TTC13: variants seen among roughly 807,000 people sequenced by gnomAD.
TTC13 encodes tetratricopeptide repeat protein 13.
In TTC13, 62 loss-of-function variants were observed where a neutral mutation model predicts 120.0. That is an observed-to-expected ratio of 0.52 (90% CI 0.42 to 0.64). The LOEUF (loss-of-function observed/expected upper bound fraction) is 0.64. Among genes scored for constraint, TTC13 ranks in the 30% least tolerant of loss-of-function variants. The probability of loss-of-function intolerance (pLI) is 0.00; values close to 1 mark genes in which losing one functional copy is unlikely to be tolerated. For synonymous variants in TTC13, 384 were observed against 393.5 expected, an observed-to-expected ratio of 0.98 and a Z score of 0.28; for missense variants, 824 against 1,050.2, an observed-to-expected ratio of 0.78 and a Z score of 2.98.
chr1:230,917,236 A>T (rs1420916766), intron 17 of TTC13, among the ~76,000 whole-genome samples: 1 of 152,200 alleles, frequency 6.6e-6, no homozygotes, highest in Non-Finnish European at 1.5e-5. Flanking sequence ...CTATGTGCCA[A>T]TTCTCATCTA....
Position 230,940,835 on chromosome 1 carries a change from T to C in TTC13, c.673-279A>G, listed in dbSNP as rs1674475616. On this transcript the variant is annotated intron_variant, in intron 6 of 22. Transcript: ENST00000366661. This position sits in a 1 kb window ranked among gnomAD's most constrained non-coding sequence, Gnocchi z 4.1. ...GGGTTGTATCAGATGTTGCTTTTCC[T>C]GCAATGTGATTTTTTTTCTTGATTT... 6.6e-6 allele frequency among the ~76,000 whole-genome samples: 1 copy of C among 152,230 alleles called. No homozygotes were observed. The highest frequency in any genetic ancestry group is 1.5e-5 in the Non-Finnish European group (1 of 68,038).
At chr1:230,974,946 T>C (rs748912891) in intron 1 of TTC13, among the ~76,000 whole-genome samples, 25 of 152,248 alleles carry the variant, frequency 1.6e-4, no homozygotes, top group Non-Finnish European at 3.5e-4. Flanking sequence ...TCATCATTAA[T>C]ATTAGTAAGA....
At chr1:230,953,134 G>T (rs1433243154) in intron 4 of TTC13, among the ~76,000 whole-genome samples, 3 of 152,064 alleles carry the variant, frequency 2.0e-5, no homozygotes, top group Non-Finnish European at 4.4e-5. Flanking sequence ...TTAACAGAAA[G>T]GTGGTTTTTT....
chr1:230,945,490 T>C, intron 4 of TTC13, 36 bp from the exon 5 acceptor site: 1 of 1,597,278 alleles, frequency 6.3e-7, no homozygotes, highest in African/African-American at 1.3e-5. Flanking sequence ...TCAAAAACCA[T>C]AAACAAAACA....
chr1:230,967,884 C>G (rs960242441), intron 1 of TTC13, among the ~76,000 whole-genome samples: 2 of 152,160 alleles, frequency 1.3e-5, no homozygotes, highest in South Asian at 4.1e-4. Context: ...TCCTTGCTTA[C>G]GTCGTACAAG....
At chr1:230,922,181 G>A (rs1043414548) in intron 15 of TTC13, among the ~76,000 whole-genome samples, 7 of 152,092 alleles carry the variant, frequency 4.6e-5, no homozygotes, top group African/African-American at 1.7e-4. Context: ...GTGCTCTCTG[G>A]CCTAATGGGA....
At chr1:230,933,675 T>A in intron 9 of TTC13, 104 bp downstream of exon 9, 1 of 596,240 alleles carries the variant, frequency 1.7e-6, no homozygotes, top group Non-Finnish European at 2.9e-6. Flanking sequence ...AATACCCATC[T>A]CCTTTGGTTA....
chr1:230,940,282 T>C lies in TTC13; in HGVS notation c.789+158A>G, dbSNP rs554320281. On this transcript the variant is annotated intron_variant, in intron 7 of 22. Coordinates refer to ENST00000366661, the MANE Select transcript of TTC13 (RefSeq NM_024525.5). This position sits in a 1 kb window ranked among gnomAD's most constrained non-coding sequence, Gnocchi z 4.1. Reference sequence around the variant, plus strand: ...TTAGTACTTAATGTTCTCCACTGGGTTTAATTTCAGCTACAGAAAATGCTT... The same window carrying C: ...TTAGTACTTAATGTTCTCCACTGGGCTTAATTTCAGCTACAGAAAATGCTT... Among the ~76,000 whole-genome samples, 4 of 152,336 alleles carry C rather than the reference T, an allele frequency of 2.6e-5. No homozygotes were observed. The highest frequency in any genetic ancestry group is 4.8e-5 in the African/African-American group (2 of 41,580).
chr1:230,954,630 T>C (rs1444449089), intron 3 of TTC13, among the ~76,000 whole-genome samples: 1 of 152,218 alleles, frequency 6.6e-6, no homozygotes, highest in Non-Finnish European at 1.5e-5. Flanking sequence ...AAGTCATCTA[T>C]AAAATATCTG....
Position 230,928,974 on chromosome 1 carries a change from C to T in TTC13, c.1420G>A (p.Asp474Asn), listed in dbSNP as rs1380842278. 6.2e-7 allele frequency: 1 copy of T among 1,614,022 alleles called. No homozygotes were observed. Among genetic ancestry groups the T allele is most frequent in the Non-Finnish European group, 8.5e-7 (1 of 1,180,020 alleles). ...WAKNLPFLIEDYEEQPGLQPH... is the reference protein window; with the variant it reads ...WAKNLPFLIENYEEQPGLQPH... ...TGCAACCCTGGCTGCTCTTCGTAGT[C>T]TTCTATGAGGAAAGGCAAATTTTTA... is the stretch of plus-strand genomic sequence containing the variant. The change falls in exon 12 of 23, where the codon GAC (aspartate) becomes AAC (asparagine). Residue 474 changes from aspartate (D) to asparagine (N), a missense_variant. Asp to Asn is a conservative substitution (Grantham distance 23). Transcript: ENST00000366661.
intron 16 of TTC13, among the ~76,000 whole-genome samples, chr1:230,921,165 C>T (rs1319493484): frequency 6.6e-6 from 1 of 152,114 alleles, no homozygotes; most frequent in African/African-American, 2.4e-5. Context: ...AAAGAAACAT[C>T]CTGCTTTATA....
At chr1:230,971,416 A>G (rs58909290) in intron 1 of TTC13, among the ~76,000 whole-genome samples, 6,412 of 151,764 alleles carry the variant, frequency 0.042, 368 homozygotes, top group African/African-American at 0.13. Context: ...GCCCCGAAAT[A>G]TGGTCCCAAG....
intron 1 of TTC13, among the ~76,000 whole-genome samples, chr1:230,965,351 C>T (rs1202512088): frequency 6.6e-6 from 1 of 152,086 alleles, no homozygotes; most frequent in Non-Finnish European, 1.5e-5. Flanking sequence ...ATACAAAAGG[C>T]CAACAGGCAT....
chr1:230,942,321 A>G lies in TTC13; in HGVS notation c.672+1485T>C, dbSNP rs1323650552. On this transcript the variant is annotated intron_variant, in intron 6 of 22. Coordinates refer to ENST00000366661, the MANE Select transcript of TTC13 (RefSeq NM_024525.5). The surrounding 1 kb of genome is among the most constrained non-coding windows in gnomAD (Gnocchi z 4.0). ...AGCCACTAAACACCAACTAAATACC[A>G]GCAAGTCTCATGCAGTGATAAACTA... 6.6e-6 allele frequency among the ~76,000 whole-genome samples: 1 copy of G among 152,220 alleles called. No homozygotes were observed. The highest frequency in any genetic ancestry group is 6.5e-5 in the Admixed American group (1 of 15,286).
Position 230,931,213 on chromosome 1 carries a change from C to T in TTC13, c.1300+85G>A, listed in dbSNP as rs1673523544. 2.1e-6 allele frequency: 3 copies of T among 1,455,992 alleles called. No homozygotes were observed. In the Admixed American group the frequency reaches 5.6e-5, roughly 27 times the overall value. The allele number at this position is 1,455,992 out of a possible 1,614,324, so 90.2% of individuals were successfully genotyped here. A position where few individuals can be genotyped will look rare whatever the true frequency, so the allele number is the denominator to read the frequency against. On this transcript the variant is annotated intron_variant, in intron 11 of 22. Coordinates refer to ENST00000366661, the MANE Select transcript of TTC13 (RefSeq NM_024525.5). ...TGGCCTCTTTCAGACTCCACTGTTT[C>T]ATACGAAACATAAAAGAGTCAAGCA...
At chr1:230,972,378 T>C (rs1677856666) in intron 1 of TTC13, among the ~76,000 whole-genome samples, 2 of 152,236 alleles carry the variant, frequency 1.3e-5, no homozygotes, top group African/African-American at 4.8e-5. Flanking sequence ...TATGTTGTAT[T>C]TTGATAAAAA....
At chr1:230,936,888 T>C (rs142809430) in intron 8 of TTC13, among the ~76,000 whole-genome samples, 8 of 152,312 alleles carry the variant, frequency 5.3e-5, no homozygotes, top group Admixed American at 1.3e-4. Context: ...CCAATCTGTG[T>C]AACAGGGACA....
chr1:230,929,202 A>C, intron 11 of TTC13, 109 bp from the exon 12 acceptor site: 1 of 1,196,976 alleles, frequency 8.4e-7, no homozygotes, highest in Non-Finnish European at 1.2e-6. Flanking sequence ...AATTATAAGA[A>C]TTCTAAAGAG....
At chr1:230,977,525 A>G (rs557070181) in intron 1 of TTC13, among the ~76,000 whole-genome samples, 14 of 152,318 alleles carry the variant, frequency 9.2e-5, no homozygotes, top group African/African-American at 3.4e-4. Context: ...CACTTCCTCA[A>G]GGAAGTCAGA....
Sources: gnomAD v4.1 joint callset for allele counts (sites outside exome capture counted in the v4.1 genomes callset) on GRCh38, gnomAD v4.1.1 for gene constraint, Gnocchi (gnomAD v3.1) non-coding constraint, MANE v1.5 for transcripts, NCBI Gene and HGNC (gene_info 2026-07-23, HGNC 2026-07-21) for gene names.